SMCO1: variants seen among roughly 807,000 people sequenced by gnomAD.
SMCO1 encodes the protein single-pass membrane protein with coiled-coil domains 1.
SMCO1 carries 9 observed loss-of-function variants against 7.5 expected under a neutral mutation model. That is an observed-to-expected ratio of 1.20 (90% confidence interval 0.72 to 2.09). The LOEUF is 2.09. Among genes scored for constraint, SMCO1 ranks in the 30% most tolerant of loss-of-function variants. The pLI is 0.00. For synonymous variants in SMCO1, 90 were observed against 93.8 expected (o/e 0.96, Z 0.23); for missense variants, 219 against 253.1 (o/e 0.87, Z 0.91).
intron 1 of SMCO1, among the ~76,000 whole-genome samples, chr3:196,513,881 C>T (rs1368702633): frequency 2.0e-5 from 3 of 152,162 alleles, no homozygotes; most frequent in African/African-American, 7.2e-5. Flanking sequence ...TGTTTTAGTA[C>T]AGTTCCCTAG....
rs568547987 is a variant in SMCO1, at chr3:196,514,468, G to A, written c.50+692C>T. ...AGAGTTCCTTTTTCTAGTGTCAAAG[G>A]CAAAATTGGTTGATCCTCCCTTCAT... On this transcript the variant is annotated intron_variant, in intron 1 of 2. Coordinates refer to ENST00000397537, the MANE Select transcript of SMCO1 (RefSeq NM_001077657.3). 1.2e-4 allele frequency among the ~76,000 whole-genome samples: 18 copies of A among 152,238 alleles called. No individual in the cohort carries two copies. In the South Asian group the frequency reaches 3.5e-3, roughly 30 times the overall value.
chr3:196,510,785 G>T (rs531677625), intron 1 of SMCO1, among the ~76,000 whole-genome samples: 1 of 152,058 alleles, frequency 6.6e-6, no homozygotes, highest in Non-Finnish European at 1.5e-5. Context: ...ACTAAACTAC[G>T]TTCTTGGAGG....
intron 1 of SMCO1, among the ~76,000 whole-genome samples, chr3:196,514,743 G>C (rs1383052965): frequency 6.6e-6 from 1 of 152,154 alleles, no homozygotes; most frequent in Non-Finnish European, 1.5e-5. Context: ...CACTGTAATA[G>C]AGACGGAATT....
chr3:196,511,486 G>A (rs1353383692), intron 1 of SMCO1, among the ~76,000 whole-genome samples: 3 of 67,942 alleles, frequency 4.4e-5, no homozygotes, highest in Admixed American at 1.2e-4. Context: ...AACCTGCCTG[G>A]GCCACCTAGA....
chr3:196,510,485 T>A (rs1423138600), intron 1 of SMCO1, among the ~76,000 whole-genome samples: 7 of 152,130 alleles, frequency 4.6e-5, no homozygotes, highest in African/African-American at 1.7e-4. Context: ...TTTGCTCCTA[T>A]CTTCCGCCAG....
Position 196,509,680 on chromosome 3 carries a change from A to G in SMCO1, c.51-11T>C, listed in dbSNP as rs748523418. The G allele has an allele frequency of 2.5e-6, 4 of 1,608,248 alleles. No individual in the cohort carries two copies. In the East Asian group the frequency reaches 8.9e-5, roughly 36 times the overall value. ...AGTTTGTGGTCTACTCTGTAGGATA[A>G]CAGAATCAAGGGTTAGTTTAGGTTA... On this transcript the variant is annotated splice_polypyrimidine_tract_variant and intron_variant, in intron 1 of 2. Coordinates refer to ENST00000397537, the MANE Select transcript of SMCO1 (RefSeq NM_001077657.3).
chr3:196,513,857 A>G (rs1310006715), intron 1 of SMCO1, among the ~76,000 whole-genome samples: 1 of 152,194 alleles, frequency 6.6e-6, no homozygotes, highest in East Asian at 1.9e-4. Context: ...ATCTCAGCGC[A>G]GGCTGTTTTG....
At position 196,507,822 on chromosome 3, in the gene SMCO1, C is replaced by T; in HGVS notation, c.*65G>A. 1.1e-6 allele frequency: 1 copy of T among 919,348 alleles called. No individual in the cohort carries two copies. The highest frequency in any genetic ancestry group is 1.7e-6 in the Non-Finnish European group (1 of 603,004). 56.9% of individuals were successfully genotyped at this position (919,348 alleles called of 1,614,324 possible). On this transcript the variant is annotated 3_prime_UTR_variant, in exon 3 of 3. Coordinates refer to ENST00000397537, the MANE Select transcript of SMCO1 (RefSeq NM_001077657.3). ...AAAAATAAGACTATAATAAATTGTG[C>T]ATACTTTTTGCTGTTTCCAAGATAA...
upstream of SMCO1, among the ~76,000 whole-genome samples, chr3:196,516,906 T>C (rs113209283): frequency 0.044 from 6,710 of 151,782 alleles, 492 homozygotes; most frequent in African/African-American, 0.15. Flanking sequence ...CGAGACCAGC[T>C]TGGCCAACAT....
intron 1 of SMCO1, among the ~76,000 whole-genome samples, chr3:196,511,093 T>G (rs1403462595): frequency 6.7e-6 from 1 of 149,870 alleles, no homozygotes; most frequent in Non-Finnish European, 1.5e-5. Flanking sequence ...ACCTAGATTG[T>G]CATTATGAGG....
intron 1 of SMCO1, 121 bp downstream of exon 1, chr3:196,515,037 CCA>C (rs1482796777): frequency 2.4e-5 from 29 of 1,232,910 alleles, no homozygotes; most frequent in Non-Finnish European, 3.3e-5. Context: ...ACCGCACCGG[CCA>C]CAGAGACAGA....
chr3:196,507,891 T>A lies in SMCO1; in HGVS notation c.641A>T (p.Asn214Ile), dbSNP rs1379625314. The change falls in exon 3 of 3, where the codon AAC (asparagine) becomes ATC (isoleucine). Residue 214 changes from asparagine to isoleucine, a missense_variant. Physicochemically the swap from Asn to Ile is moderately radical, Grantham distance 149. Transcript: ENST00000397537. ...SLEELIPSVKN is the reference protein window; with the variant it reads ...SLEELIPSVKI Reference sequence around the variant, plus strand: ...ACTGGGTCATAGGGTAACAGGTTAGTTTTTGACAGATGGTATCAACTCTTC... The same window carrying A: ...ACTGGGTCATAGGGTAACAGGTTAGATTTTGACAGATGGTATCAACTCTTC... 6.2e-7 allele frequency: 1 copy of A among 1,602,168 alleles called. No individual in the cohort carries two copies. Among genetic ancestry groups the A allele is most frequent in the East Asian group, 2.2e-5 (1 of 44,636 alleles).
chr3:196,511,435 G>A (rs1733227947), intron 1 of SMCO1, among the ~76,000 whole-genome samples: 1 of 113,702 alleles, frequency 8.8e-6, no homozygotes, highest in Admixed American at 8.1e-5. Context: ...GTCCTTATGA[G>A]GGAAACCTGC....
chr3:196,510,403 A>C (rs1242672194), intron 1 of SMCO1, among the ~76,000 whole-genome samples: 1 of 152,238 alleles, frequency 6.6e-6, no homozygotes, highest in Non-Finnish European at 1.5e-5. Flanking sequence ...ACCTAATGTC[A>C]TAAAGTTAGC....
intron 1 of SMCO1, among the ~76,000 whole-genome samples, chr3:196,511,372 C>T (rs529031841): frequency 5.4e-5 from 8 of 149,378 alleles, no homozygotes; most frequent in African/African-American, 1.7e-4. Flanking sequence ...GGAAACCTGC[C>T]TGGGCCACCT....
At chr3:196,516,023 A>ATATATATAAT (rs1432640500), upstream of SMCO1, among the ~76,000 whole-genome samples, 1 of 121,218 alleles carries the variant, frequency 8.2e-6, no homozygotes, top group Non-Finnish European at 1.7e-5. Flanking sequence ...ATATATATAT[A>ATATATATAAT]TATATATAAT....
At chr3:196,519,770 A>C (rs1282426293), upstream of SMCO1, among the ~76,000 whole-genome samples, 1 of 152,138 alleles carries the variant, frequency 6.6e-6, no homozygotes, top group Non-Finnish European at 1.5e-5. Flanking sequence ...CAAGTCTAGG[A>C]AATAAAAGGG....
rs751368682 is a variant in SMCO1, at chr3:196,508,301, G to T, written c.231C>A (p.Tyr77Ter). The change falls in exon 3 of 3, where the codon TAC becomes TAA. Residue 77 changes from tyrosine to a stop codon, truncating the protein, a stop_gained. Coordinates refer to ENST00000397537, the MANE Select transcript of SMCO1 (RefSeq NM_001077657.3). LOFTEE classifies it low-confidence loss of function (END_TRUNC). The part of the protein sequence containing the change: ...QLTSMELNIL[Y>*]SYVIEVLICL... ...AGATAAGTACTTCAATGACGTAGCT[G>T]TATAAAATATTCAATTCCATTGAAG... The T allele has an allele frequency of 1.2e-6, 2 of 1,609,660 alleles. No individual in the cohort carries two copies. Among genetic ancestry groups the T allele is most frequent in the East Asian group, 4.5e-5 (2 of 44,802 alleles).
In SMCO1 at chr3:196,515,230, G is replaced by T. The variant is rs1170869492; in HGVS notation, c.-21C>A. On this transcript the variant is annotated 5_prime_UTR_variant, in exon 1 of 3. Coordinates refer to ENST00000397537, the MANE Select transcript of SMCO1 (RefSeq NM_001077657.3). ...TTCATCTTCTGAAGGCAAAAGGAAAGAAAACAAAAACAAAGCAAAACAAAA... is the reference window on the plus strand; with the variant it reads ...TTCATCTTCTGAAGGCAAAAGGAAATAAAACAAAAACAAAGCAAAACAAAA... 2 of 1,580,306 alleles carry T rather than the reference G, an allele frequency of 1.3e-6. No homozygotes were observed. The highest frequency in any genetic ancestry group is 8.7e-7 in the Non-Finnish European group (1 of 1,152,148).
Sources: allele counts gnomAD v4.1 joint callset (sites outside exome capture counted in the v4.1 genomes callset), GRCh38; gene constraint gnomAD v4.1.1; transcripts MANE v1.5; gene names NCBI Gene and HGNC (gene_info 2026-07-23, HGNC 2026-07-21).